Variants in PPIL6 observed in about 807,000 individuals in gnomAD.
The protein encoded by PPIL6 is probable inactive peptidyl-prolyl cis-trans isomerase-like 6.
Under a neutral mutation model 36.8 loss-of-function variants are expected in PPIL6, and 39 were observed. The ratio of observed to expected loss-of-function variants is 1.06; its 90% confidence interval spans 0.82 to 1.38. The LOEUF is 1.38. PPIL6 is among the 40% of genes most tolerant of loss of function. The pLI is 0.00. For missense variants in PPIL6, 368 were observed against 379.1 expected, an observed-to-expected ratio of 0.97 and a Z score of 0.24; for synonymous variants, 123 against 134.1, an observed-to-expected ratio of 0.92 and a Z score of 0.57.
In PPIL6 at chr6:109,413,196, AT is replaced by A. The variant is rs1773091767; in HGVS notation, c.688+5990del. The stretch of plus-strand genomic sequence containing the variant: ...AAACAAACAAAAACCCACAGAAAAT[AT>A]TTGCAAACTACCCATCTGACGAGGG... On this transcript the variant is annotated intron_variant, in intron 6 of 7. Transcript: ENST00000521072. The surrounding 1 kb of genome is among the most constrained non-coding windows in gnomAD (Gnocchi z 4.6). Among the ~76,000 whole-genome samples the A allele has an allele frequency of 6.6e-6, 1 of 152,042 alleles. No homozygotes were observed. Among genetic ancestry groups the A allele is most frequent in the Non-Finnish European group, 1.5e-5 (1 of 67,976 alleles).
Position 109,392,904 on chromosome 6 carries a change from T to A in PPIL6, c.858A>T (p.Gln286His). 1 of 1,611,952 alleles carries A rather than the reference T, an allele frequency of 6.2e-7. No homozygotes were observed. The highest frequency in any genetic ancestry group is 1.3e-5 in the African/African-American group (1 of 75,016). Reference protein sequence around the residue: ...QLIEGTEVLKQLELVPTQNER... With the variant: ...QLIEGTEVLKHLELVPTQNER... ...CATTCTGTGTTGGAACTAATTCTAG[T>A]TGTTTAAGCACTTCTGTTCCTTCAA... Residue 286 changes from glutamine (Q) to histidine (H), a missense_variant, in exon 8 of 8, where the codon CAA becomes CAT. By Grantham distance (24) the Gln-to-His change is conservative. Transcript: ENST00000521072.
At chr6:109,415,588 G>C (rs186041560) in intron 6 of PPIL6, among the ~76,000 whole-genome samples, 2 of 152,270 alleles carry the variant, frequency 1.3e-5, no homozygotes, top group East Asian at 3.9e-4. Flanking sequence ...CATAAATCCC[G>C]TGAAGTCAAG....
chr6:109,429,018 A>C (rs527315732), intron 3 of PPIL6, among the ~76,000 whole-genome samples: 1 of 152,370 alleles, frequency 6.6e-6, no homozygotes, highest in East Asian at 1.9e-4. Context: ...TGAATGCAAC[A>C]CAAGGTAATG....
Position 109,407,460 on chromosome 6 carries a change from C to T in PPIL6, c.689-7290G>A, listed in dbSNP as rs147809226. On this transcript the variant is annotated intron_variant, in intron 6 of 7. Coordinates refer to ENST00000521072, the MANE Select transcript of PPIL6 (RefSeq NM_173672.5). ...TTTGCCGTGTTAGCCAGGATGGTCT[C>T]GATCTCCTGACCTCGTGATCTGCCC... is the stretch of plus-strand genomic sequence containing the variant. 3.6e-3 allele frequency among the ~76,000 whole-genome samples: 548 copies of T among 152,120 alleles called. 3 individuals are homozygous for T. The highest frequency in any genetic ancestry group is 0.012 in the African/African-American group (518 of 41,486).
chr6:109,407,238 T>C (rs9480949), intron 6 of PPIL6, among the ~76,000 whole-genome samples: 58,843 of 148,260 alleles, frequency 0.4, 11,688 homozygotes, highest in South Asian at 0.51. Flanking sequence ...CTATGGAATA[T>C]TCTTTTTTTT....
At chr6:109,429,709 T>C (rs867536246) in intron 3 of PPIL6, among the ~76,000 whole-genome samples, 6 of 152,326 alleles carry the variant, frequency 3.9e-5, no homozygotes, top group Middle Eastern at 3.4e-3. Context: ...AGCAGTGCCA[T>C]GGCAGTTCCC....
rs556752191 is a variant in PPIL6, at chr6:109,418,000, CTT to C, written c.688+1185_688+1186del. The C allele has an allele frequency of 4.6e-4, 70 of 152,306 alleles. No homozygotes were observed. In the East Asian group the frequency reaches 0.013, roughly 28 times the overall value. The allele number at this position is 152,306 out of a possible 1,614,324, so 9.4% of individuals were successfully genotyped here. On this transcript the variant is annotated intron_variant, in intron 6 of 7. Transcript: ENST00000521072. ...CATTATTTTCTTTCAGAGAAACTCT[CTT>C]TGTTATATAGGGTGACATTAGTTTT...
chr6:109,440,372 G>A (rs779780772), intron 1 of PPIL6, 84 bp downstream of exon 1: 1 of 1,471,250 alleles, frequency 6.8e-7, no homozygotes, highest in South Asian at 1.2e-5. Flanking sequence ...CCGCCGCCTC[G>A]AGGAGGCGCG....
At chr6:109,423,759 G>C (rs1773670885) in intron 5 of PPIL6, among the ~76,000 whole-genome samples, 1 of 152,088 alleles carries the variant, frequency 6.6e-6, no homozygotes, top group Non-Finnish European at 1.5e-5. Context: ...AGTAGGCCTC[G>C]AGGGAGCCAG....
intron 3 of PPIL6, among the ~76,000 whole-genome samples, chr6:109,429,147 A>C (rs1428532280): frequency 6.6e-6 from 1 of 152,214 alleles, no homozygotes; most frequent in Non-Finnish European, 1.5e-5. Context: ...GTGCAAAAAA[A>C]ATCTATTGTC....
chr6:109,431,412 A>C, intron 2 of PPIL6, 67 bp from the exon 3 acceptor site: 1 of 1,194,642 alleles, frequency 8.4e-7, no homozygotes, highest in Non-Finnish European at 1.2e-6. Context: ...CTAAACCCAT[A>C]AGCCAGAGCT....
chr6:109,418,310 A>G (rs947438521), intron 6 of PPIL6: 4 of 152,556 alleles, frequency 2.6e-5, no homozygotes, highest in African/African-American at 7.3e-5. Flanking sequence ...GCCTCTTCCA[A>G]CCTTCCTGGG....
chr6:109,423,297 G>A (rs75126488), intron 5 of PPIL6, among the ~76,000 whole-genome samples: 11,480 of 152,188 alleles, frequency 0.075, 1,129 homozygotes, highest in African/African-American at 0.23. Flanking sequence ...AACCCCAGAG[G>A]TGGAGGTTGC....
At chr6:109,425,285 C>T in intron 5 of PPIL6, among the ~76,000 whole-genome samples, 1 of 152,352 alleles carries the variant, frequency 6.6e-6, no homozygotes, top group East Asian at 1.9e-4. Context: ...CCGTCCTTAA[C>T]ATTGCTGTCT....
At position 109,425,140 on chromosome 6, in the gene PPIL6, C is replaced by T. The variant is rs571878280; in HGVS notation, c.631+1707G>A. ...CAGGTCATTGAATCCTCACCACATC[C>T]TGTGATATTCTTATCATTATCCCCA... is the stretch of plus-strand genomic sequence containing the variant. On this transcript the variant is annotated intron_variant, in intron 5 of 7. Coordinates refer to ENST00000521072, the MANE Select transcript of PPIL6 (RefSeq NM_173672.5). Among the ~76,000 whole-genome samples, 37 of 152,282 alleles carry T rather than the reference C, an allele frequency of 2.4e-4. No homozygotes were observed. In the South Asian group the frequency reaches 7.5e-3, roughly 31 times the overall value.
Position 109,390,247 on chromosome 6 carries a change from T to C in PPIL6, c.*2579A>G, listed in dbSNP as rs942009674. On this transcript the variant is annotated 3_prime_UTR_variant, in exon 8 of 8. Coordinates refer to ENST00000521072, the MANE Select transcript of PPIL6 (RefSeq NM_173672.5). Reference sequence around the variant, plus strand: ...TACACATTAGTAATTTATTATTAAATTTATCGAGTGCTTACAGCAGACCAG... The same window carrying C: ...TACACATTAGTAATTTATTATTAAACTTATCGAGTGCTTACAGCAGACCAG... 2.0e-5 allele frequency: 3 copies of C among 152,230 alleles called. No individual in the cohort carries two copies. Among genetic ancestry groups the C allele is most frequent in the Non-Finnish European group, 4.4e-5 (3 of 68,048 alleles). The allele number at this position is 152,230 out of a possible 1,614,324, so 9.4% of individuals were successfully genotyped here. A position where few individuals can be genotyped will look rare whatever the true frequency, so the allele number is the denominator to read the frequency against.
chr6:109,439,679 G>A (rs1304019280), intron 1 of PPIL6, among the ~76,000 whole-genome samples: 1 of 152,186 alleles, frequency 6.6e-6, no homozygotes, highest in Non-Finnish European at 1.5e-5. Flanking sequence ...ATCCAGCTGG[G>A]TACTTCGGGA....
At chr6:109,412,880 C>T (rs1234398149) in intron 6 of PPIL6, among the ~76,000 whole-genome samples, 1 of 152,168 alleles carries the variant, frequency 6.6e-6, no homozygotes, top group African/African-American at 2.4e-5. Context: ...GAAGACATGG[C>T]TGGGCGTGGT....
chr6:109,401,213 A>C (rs1052794069), intron 6 of PPIL6, among the ~76,000 whole-genome samples: 4 of 151,966 alleles, frequency 2.6e-5, no homozygotes, highest in African/African-American at 9.7e-5. Flanking sequence ...CCTTATTTGG[A>C]TTGACCAAGA....
Sources: gnomAD v4.1 joint callset for allele counts (sites outside exome capture counted in the v4.1 genomes callset) on GRCh38, gnomAD v4.1.1 for gene constraint, Gnocchi (gnomAD v3.1) non-coding constraint, MANE v1.5 for transcripts, NCBI Gene and HGNC (gene_info 2026-07-23, HGNC 2026-07-21) for gene names.